PARD3B: variants seen among roughly 807,000 people sequenced by gnomAD.
The protein encoded by PARD3B is partitioning defective 3 homolog B.
PARD3B carries 103 observed loss-of-function variants against 130.2 expected under a neutral mutation model. The observed-to-expected ratio is 0.79, with a 90% CI of 0.67 to 0.93. PARD3B has a LOEUF of 0.93. Ranked by LOEUF, PARD3B falls within the 40% of genes least tolerant of loss-of-function variation. The pLI is 0.00. For missense variants in PARD3B, 1,609 were observed against 1,499.2 expected (o/e 1.07, Z -1.21); for synonymous variants, 583 against 553.2 (o/e 1.05, Z -0.76).
At position 204,757,624 on chromosome 2, in the gene PARD3B, A is replaced by G. The variant is rs563785793; in HGVS notation, c.222+71342A>G. The stretch of plus-strand genomic sequence containing the variant: ...TATTTTGGAATCTGATCTTTGGCTC[A>G]TGTCAGATAAAGATACCTTTGTGAA... On this transcript the variant is annotated intron_variant, in intron 2 of 22. Coordinates refer to ENST00000406610, the MANE Select transcript of PARD3B (RefSeq NM_001302769.2). 2.6e-5 allele frequency among the ~76,000 whole-genome samples: 4 copies of G among 152,224 alleles called. No homozygotes were observed. In the East Asian group the frequency reaches 7.7e-4, roughly 29 times the overall value.
chr2:204,731,983 T>C (rs2039528839), intron 2 of PARD3B, among the ~76,000 whole-genome samples: 1 of 152,132 alleles, frequency 6.6e-6, no homozygotes, highest in Non-Finnish European at 1.5e-5. Flanking sequence ...GTTTAACAAG[T>C]AAGTTCTTTC....
At chr2:204,766,291 T>A (rs16836592) in intron 2 of PARD3B, among the ~76,000 whole-genome samples, 1 of 152,184 alleles carries the variant, frequency 6.6e-6, no homozygotes, top group Non-Finnish European at 1.5e-5. Flanking sequence ...AAAATACATA[T>A]CAGTACTTAC....
chr2:205,587,309 G>A (rs1325250523), intron 22 of PARD3B, among the ~76,000 whole-genome samples: 2 of 135,832 alleles, frequency 1.5e-5, no homozygotes, highest in South Asian at 2.5e-4. Flanking sequence ...TTGCTTCTTA[G>A]CATTTTTATG....
At chr2:205,156,772 C>T (rs1479214129) in intron 10 of PARD3B, among the ~76,000 whole-genome samples, 1 of 152,016 alleles carries the variant, frequency 6.6e-6, no homozygotes, top group Non-Finnish European at 1.5e-5. Flanking sequence ...TTGTTAGCCT[C>T]TAGTATATTG....
In PARD3B at chr2:204,887,059, T is replaced by C. The variant is rs1298135122; in HGVS notation, c.223-78093T>C. Among the ~76,000 whole-genome samples the C allele has an allele frequency of 6.6e-6, 1 of 152,242 alleles. No individual in the cohort carries two copies. Among genetic ancestry groups the C allele is most frequent in the East Asian group, 1.9e-4 (1 of 5,204 alleles). ...TGAGGCATTTTTTTAAATCAGTTTT[T>C]TTTAATCAGCTTTTAGTTCCATCTG... On this transcript the variant is annotated intron_variant, in intron 2 of 22. Transcript: ENST00000406610. This position sits in a 1 kb window ranked among gnomAD's most constrained non-coding sequence, Gnocchi z 4.2.
Position 205,381,771 on chromosome 2 carries a change from A to G in PARD3B, c.2631-19242A>G, listed in dbSNP as rs2045458835. On this transcript the variant is annotated intron_variant, in intron 18 of 22. Coordinates refer to ENST00000406610, the MANE Select transcript of PARD3B (RefSeq NM_001302769.2). Reference sequence around the variant, plus strand: ...AAGCTCAGAAACATGTAGACAATGTATATATTTCTGTTTGGGGGAGGACTG... The same window carrying G: ...AAGCTCAGAAACATGTAGACAATGTGTATATTTCTGTTTGGGGGAGGACTG... Among the ~76,000 whole-genome samples, 3 of 152,188 alleles carry G rather than the reference A, an allele frequency of 2.0e-5. 1 individual carries two copies. The South Asian group carries it at 6.2e-4, about 32-fold the overall frequency.
rs753732543 is a variant in PARD3B at position 205,585,567 on chromosome 2, A to C, written c.3261-29889A>C. Among the ~76,000 whole-genome samples, 1 of 152,210 alleles carries C rather than the reference A, an allele frequency of 6.6e-6. No individual in the cohort carries two copies. The highest frequency in any genetic ancestry group is 2.4e-5 in the African/African-American group (1 of 41,464). ...GCTGTGTGGCAGGGACTGTTGGTGC[A>C]GGTCACTTCTCCAGGCAGGGAGTAA... On this transcript the variant is annotated intron_variant, in intron 22 of 22. Coordinates refer to ENST00000406610, the MANE Select transcript of PARD3B (RefSeq NM_001302769.2). The surrounding 1 kb of genome is among the most constrained non-coding windows in gnomAD (Gnocchi z 5.4).
chr2:205,588,651 A>G lies in PARD3B; in HGVS notation c.3261-26805A>G, dbSNP rs1021346901. Among the ~76,000 whole-genome samples the G allele has an allele frequency of 5.3e-5, 8 of 152,236 alleles. No homozygotes were observed. In the South Asian group the frequency reaches 1.4e-3, roughly 28 times the overall value. ...GTAACCTTGATGCTAGTGGTGGTAC[A>G]GATGTGTACATTTGTAAAACCTCAT... On this transcript the variant is annotated intron_variant, in intron 22 of 22. Coordinates refer to ENST00000406610, the MANE Select transcript of PARD3B (RefSeq NM_001302769.2).
intron 18 of PARD3B, among the ~76,000 whole-genome samples, chr2:205,353,482 A>G (rs928352331): frequency 7.9e-5 from 12 of 151,760 alleles, no homozygotes; most frequent in Non-Finnish European, 1.5e-4. Flanking sequence ...ATACTGGTAT[A>G]CTCAGTAAAT....
At chr2:205,113,656 A>C in intron 6 of PARD3B, 79 bp downstream of exon 6, 2 of 1,051,008 alleles carry the variant, frequency 1.9e-6, no homozygotes, top group Non-Finnish European at 2.8e-6. Flanking sequence ...TATTTTTCAC[A>C]AGGAGATTAA....
At chr2:205,101,086 T>C (rs1702751474) in intron 4 of PARD3B, among the ~76,000 whole-genome samples, 1 of 152,164 alleles carries the variant, frequency 6.6e-6, no homozygotes, top group African/African-American at 2.4e-5. Context: ...GTAAATCATA[T>C]ATTGGATAAG....
chr2:204,545,931 G>T lies in PARD3B; in HGVS notation c.-69G>T. 6.9e-7 allele frequency: 1 copy of T among 1,448,084 alleles called. No homozygotes were observed. 89.7% of individuals were successfully genotyped at this position (1,448,084 alleles called of 1,614,324 possible). On this transcript the variant is annotated 5_prime_UTR_variant, in exon 1 of 23. Transcript: ENST00000406610. Reference sequence around the variant, plus strand: ...CCCACCCGCCCCGGGCGTCCTCCGAGAGTGGGGGCTGCGCCCGCGGGGTCA... The same window carrying T: ...CCCACCCGCCCCGGGCGTCCTCCGATAGTGGGGGCTGCGCCCGCGGGGTCA...
chr2:205,346,845 C>G (rs966913366), intron 18 of PARD3B, among the ~76,000 whole-genome samples: 1 of 152,116 alleles, frequency 6.6e-6, no homozygotes, highest in African/African-American at 2.4e-5. Context: ...CAGCTCTCAC[C>G]CATTATCCTT....
chr2:205,075,921 C>T (rs147346174), intron 4 of PARD3B, among the ~76,000 whole-genome samples: 84 of 151,952 alleles, frequency 5.5e-4, no homozygotes, highest in African/African-American at 1.4e-3. Context: ...CAATATCCCA[C>T]AACAAAAATG....
intron 18 of PARD3B, among the ~76,000 whole-genome samples, chr2:205,305,640 C>T (rs1489507285): frequency 1.3e-5 from 2 of 152,190 alleles, no homozygotes; most frequent in African/African-American, 2.4e-5. Context: ...GTGAAAATTA[C>T]AGGCTCTGCC....
intron 19 of PARD3B, among the ~76,000 whole-genome samples, chr2:205,402,497 A>G (rs1232483884): frequency 1.3e-5 from 2 of 152,156 alleles, no homozygotes; most frequent in Non-Finnish European, 1.5e-5. Flanking sequence ...CAGACTTTAC[A>G]TTTTTTTGTA....
chr2:204,908,940 G>A (rs537090135), intron 2 of PARD3B, among the ~76,000 whole-genome samples: 1 of 152,058 alleles, frequency 6.6e-6, no homozygotes, highest in Non-Finnish European at 1.5e-5. Flanking sequence ...GAGACCTTAA[G>A]GCCCATATAA....
intron 15 of PARD3B, among the ~76,000 whole-genome samples, chr2:205,231,761 A>G (rs1260925419): frequency 6.6e-6 from 1 of 152,204 alleles, no homozygotes; most frequent in Non-Finnish European, 1.5e-5. Context: ...AGGGAAAGCA[A>G]GGGGGTTAGA....
In PARD3B at chr2:205,194,167, A is replaced by G. The variant is rs141480254; in HGVS notation, c.2140+847A>G. 7.6e-3 allele frequency among the ~76,000 whole-genome samples: 1,150 copies of G among 152,316 alleles called. 15 individuals are homozygous for G. Among genetic ancestry groups the G allele is most frequent in the African/African-American group, 0.026 (1,079 of 41,566 alleles). On this transcript the variant is annotated intron_variant, in intron 15 of 22. Coordinates refer to ENST00000406610, the MANE Select transcript of PARD3B (RefSeq NM_001302769.2). ...TTGCAATTGTTTTTTCTCAAGGCAT[A>G]TTATATATTTCTTTAGTAACAACGA...
Sources: allele counts gnomAD v4.1 joint callset (sites outside exome capture counted in the v4.1 genomes callset), GRCh38; gene constraint gnomAD v4.1.1; non-coding constraint Gnocchi (gnomAD v3.1); transcripts MANE v1.5; gene names NCBI Gene and HGNC (gene_info 2026-07-23, HGNC 2026-07-21).